Variants in GSE1 observed in about 807,000 individuals in gnomAD.
GSE1 encodes the protein Gse1 coiled-coil protein.
In GSE1, 32 loss-of-function variants were observed where a neutral mutation model predicts 112.6. The observed-to-expected ratio is 0.28, with a 90% CI of 0.21 to 0.38. The LOEUF (loss-of-function observed/expected upper bound fraction) is 0.38. Ranked by LOEUF, GSE1 falls within the 10% of genes least tolerant of loss-of-function variation. The probability of loss-of-function intolerance (pLI) is 1.00; values close to 1 mark genes in which losing one functional copy is unlikely to be tolerated. For synonymous variants in GSE1, 1,115 were observed against 735.6 expected (o/e 1.52, Z -8.35); for missense variants, 2,348 against 1,699.2 (o/e 1.38, Z -6.71).
chr16:85,418,483 C>T (rs144376235), intron 2 of GSE1, among the ~76,000 whole-genome samples: 202 of 152,300 alleles, frequency 1.3e-3, no homozygotes, highest in African/African-American at 4.7e-3. Flanking sequence ...GCACAAGCCC[C>T]GCCTCCTCCA....
chr16:85,660,524 A>G (rs34200959), intron 8 of GSE1, among the ~76,000 whole-genome samples: 96,414 of 151,952 alleles, frequency 0.63, 31,517 homozygotes, highest in East Asian at 0.91. Flanking sequence ...CTGTAATCCC[A>G]GCTACTCGGG....
At chr16:85,365,375 G>A (rs757611366) in intron 2 of GSE1, among the ~76,000 whole-genome samples, 1 of 152,284 alleles carries the variant, frequency 6.6e-6, no homozygotes, top group Non-Finnish European at 1.5e-5. Flanking sequence ...CCTGCACTCC[G>A]CCTCCACCTT....
chr16:85,385,997 G>T (rs887766016), intron 2 of GSE1, among the ~76,000 whole-genome samples: 2 of 152,192 alleles, frequency 1.3e-5, no homozygotes, highest in African/African-American at 4.8e-5. Context: ...TTCCCCGAGG[G>T]TACACCCAGG....
exon 1 of GSE1, chr16:85,170,579 T>A: frequency 1.0e-6 from 1 of 985,486 alleles, no homozygotes; most frequent in Non-Finnish European, 1.2e-6. Flanking sequence ...AGTGGCCGTG[T>A]CCCCCGGGCT....
intron 2 of GSE1, among the ~76,000 whole-genome samples, chr16:85,399,269 C>G (rs8055459): frequency 0.97 from 147,171 of 152,240 alleles, 71,320 homozygotes; most frequent in East Asian, 1. Flanking sequence ...TAGGCTGCCT[C>G]GTCTGCTGGG....
chr16:85,654,016 T>C (rs2051678111), intron 3 of GSE1, among the ~76,000 whole-genome samples: 1 of 152,104 alleles, frequency 6.6e-6, no homozygotes, highest in African/African-American at 2.4e-5. Flanking sequence ...CTAGTTCTTT[T>C]GCTGGACTGA....
At chr16:85,371,479 C>T (rs1045233547) in intron 2 of GSE1, among the ~76,000 whole-genome samples, 1 of 152,134 alleles carries the variant, frequency 6.6e-6, no homozygotes, top group South Asian at 2.1e-4. Flanking sequence ...GCCCAGGGGA[C>T]GGTGACCTCA....
In GSE1 at chr16:85,666,198, G is replaced by T; in HGVS notation, c.2981G>T (p.Gly994Val). Residue 994 changes from glycine to valine, a missense_variant, in exon 13 of 16, where the codon GGC (glycine) becomes GTC (valine). Transcript: ENST00000253458. ...CTGAGCATGCTTCACTATATCCGGG[G>T]CGCTGCACCCAAGGACATTCCTGTG... ...KSLSMLHYIRGAAPKDIPVPL... is the reference protein window; with the variant it reads ...KSLSMLHYIRVAAPKDIPVPL... 1 of 1,613,592 alleles carries T rather than the reference G, an allele frequency of 6.2e-7. No individual in the cohort carries two copies. Among genetic ancestry groups the T allele is most frequent in the Non-Finnish European group, 8.5e-7 (1 of 1,180,048 alleles).
intron 1 of GSE1, among the ~76,000 whole-genome samples, chr16:85,307,664 C>T (rs2045718059): frequency 1.3e-5 from 2 of 152,210 alleles, no homozygotes. Flanking sequence ...AGAGTCTTTG[C>T]TGGGCCTTGG....
At position 85,661,380 on chromosome 16, in the gene GSE1, G is replaced by A. The variant is rs778401865; in HGVS notation, c.1875G>A (p.Val625=). The A allele has an allele frequency of 6.2e-7, 1 of 1,612,374 alleles. No homozygotes were observed. The highest frequency in any genetic ancestry group is 8.5e-7 in the Non-Finnish European group (1 of 1,179,746). The change falls in exon 9 of 16, where the codon GTG becomes GTA. Residue 625 remains valine (V), a synonymous_variant. Transcript: ENST00000253458. ...SRQAAVPLVK[V]ERVFCPEKAE... ...AGGCAGCCGTGCCGCTGGTGAAGGTGGAGCGGGTCTTCTGCCCGGAGAAAG... is the reference window on the plus strand; with the variant it reads ...AGGCAGCCGTGCCGCTGGTGAAGGTAGAGCGGGTCTTCTGCCCGGAGAAAG...
intron 2 of GSE1, among the ~76,000 whole-genome samples, chr16:85,467,118 T>C (rs1478459761): frequency 6.6e-6 from 1 of 152,208 alleles, no homozygotes; most frequent in African/African-American, 2.4e-5. Context: ...GCCTGGGCCC[T>C]GGCCTCCAGC....
At chr16:85,668,505 A>G in intron 14 of GSE1, 81 bp downstream of exon 14, 3 of 933,282 alleles carry the variant, frequency 3.2e-6, no homozygotes, top group Non-Finnish European at 4.9e-6. Context: ...GTTCATGCAG[A>G]CCTCTGCCAG....
At chr16:85,263,426 T>A (rs1052353731) in intron 1 of GSE1, among the ~76,000 whole-genome samples, 2 of 152,152 alleles carry the variant, frequency 1.3e-5, no homozygotes, top group African/African-American at 4.8e-5. Context: ...AGTTTCCAGT[T>A]GGTATTTGCG....
At chr16:85,538,154 C>T (rs1369673454) in intron 2 of GSE1, among the ~76,000 whole-genome samples, 2 of 152,220 alleles carry the variant, frequency 1.3e-5, no homozygotes, top group East Asian at 1.9e-4. Context: ...GCACGCTGGC[C>T]GTTCTGAGCC....
intron 1 of GSE1, among the ~76,000 whole-genome samples, chr16:85,246,507 C>T (rs867908384): frequency 1.0e-5 from 1 of 97,096 alleles, no homozygotes. Flanking sequence ...CACACCCCCC[C>T]CCCCCCGACG....
intron 1 of GSE1, among the ~76,000 whole-genome samples, chr16:85,570,441 C>T (rs186243675): frequency 6.6e-6 from 1 of 152,184 alleles, no homozygotes; most frequent in South Asian, 2.1e-4. Context: ...GTGACAAAGT[C>T]GTGGCACTTG....
intron 1 of GSE1, among the ~76,000 whole-genome samples, chr16:85,325,916 T>G (rs2046217958): frequency 6.6e-6 from 1 of 151,942 alleles, no homozygotes; most frequent in Admixed American, 6.6e-5. Flanking sequence ...GCCCAGCTAA[T>G]TTTTGTATTT....
chr16:85,290,092 G>A (rs574861270), intron 1 of GSE1, among the ~76,000 whole-genome samples: 18 of 152,290 alleles, frequency 1.2e-4, no homozygotes, highest in African/African-American at 4.3e-4. Context: ...CAGAGTCGCC[G>A]CTTGGGTTTT....
chr16:85,656,962 C>G (rs2052012576), intron 7 of GSE1, among the ~76,000 whole-genome samples: 1 of 152,216 alleles, frequency 6.6e-6, no homozygotes, highest in African/African-American at 2.4e-5. Flanking sequence ...AAACAATTGT[C>G]CAGTAATAAC....
Sources: allele counts gnomAD v4.1 joint callset (sites outside exome capture counted in the v4.1 genomes callset), GRCh38; gene constraint gnomAD v4.1.1; transcripts MANE v1.5; gene names NCBI Gene and HGNC (gene_info 2026-07-23, HGNC 2026-07-21).